CPB2: variants seen among roughly 807,000 people sequenced by gnomAD.
CPB2 encodes the protein carboxypeptidase B-like protein.
A neutral mutation model predicts 57.0 loss-of-function variants in CPB2; 54 were observed. That is an observed-to-expected ratio of 0.95 (90% CI 0.76 to 1.19). CPB2 has a LOEUF of 1.19. Ranked by LOEUF, CPB2 falls within the 50% of genes most tolerant of loss-of-function variation. The pLI, the probability that CPB2 is intolerant of heterozygous loss-of-function variation, is 0.00. For missense variants in CPB2, 426 were observed against 512.0 expected (o/e 0.83, Z 1.62); for synonymous variants, 189 against 178.1 (o/e 1.06, Z -0.49).
chr13:46,068,708 C>G (rs1357473720), intron 6 of CPB2, among the ~76,000 whole-genome samples: 2 of 150,430 alleles, frequency 1.3e-5, no homozygotes, highest in Non-Finnish European at 3.0e-5. Flanking sequence ...CCACCCCCGA[C>G]AGGCCCCGGT....
chr13:46,093,875 T>C (rs1159113103), intron 1 of CPB2, among the ~76,000 whole-genome samples: 1 of 152,194 alleles, frequency 6.6e-6, no homozygotes, highest in Non-Finnish European at 1.5e-5. Context: ...GGTATAACTA[T>C]GTGGAGAAAT....
At chr13:46,077,593 G>C (rs192291240) in intron 5 of CPB2, among the ~76,000 whole-genome samples, 1 of 152,170 alleles carries the variant, frequency 6.6e-6, no homozygotes, top group East Asian at 1.9e-4. Context: ...CAAAAGAAAG[G>C]AAATCAGTAT....
At chr13:46,072,928 C>G (rs566370789) in intron 6 of CPB2, among the ~76,000 whole-genome samples, 43 of 152,254 alleles carry the variant, frequency 2.8e-4, no homozygotes, top group African/African-American at 8.4e-4. Context: ...TGGAATCATC[C>G]TCATTTGGCC....
intron 8 of CPB2, 50 bp downstream of exon 8, chr13:46,064,598 A>C (rs759695726): frequency 1.4e-6 from 2 of 1,441,796 alleles, no homozygotes; most frequent in East Asian, 4.5e-5. Context: ...CCCTGTGAAC[A>C]TCACCCTTTC....
In CPB2 at chr13:46,078,826, C is replaced by G. The variant is rs2045062959; in HGVS notation, c.460G>C (p.Glu154Gln). The G allele has an allele frequency of 1.2e-6, 2 of 1,610,882 alleles. No homozygotes were observed. Among genetic ancestry groups the G allele is most frequent in the Non-Finnish European group, 1.7e-6 (2 of 1,177,322 alleles). The change falls in exon 5 of 11, where the codon GAG (glutamate) becomes CAG (glutamine). Residue 154 changes from glutamate to glutamine, a missense_variant. Coordinates refer to ENST00000181383, the MANE Select transcript of CPB2 (RefSeq NM_001872.5). ...LTKIHIGSSFEKYPLYVLKVS... is the reference protein window; with the variant it reads ...LTKIHIGSSFQKYPLYVLKVS... ...TTTAAAACATAGAGTGGGTACTTCT[C>G]AAATGAGGATCCAATGTGGATTTTT...
In CPB2 at chr13:46,104,929, G is replaced by A; in HGVS notation, c.74+7C>T. 1 of 1,613,814 alleles carries A rather than the reference G, an allele frequency of 6.2e-7. No homozygotes were observed. The highest frequency in any genetic ancestry group is 8.5e-7 in the Non-Finnish European group (1 of 1,179,840). Reference sequence around the variant, plus strand: ...GCCCACCACAGTCTAAGATTCTATTGGGTTACCTCTGAAACGCGAAGACAT... The same window carrying A: ...GCCCACCACAGTCTAAGATTCTATTAGGTTACCTCTGAAACGCGAAGACAT... On this transcript the variant is annotated splice_region_variant and intron_variant, in intron 1 of 10. Transcript: ENST00000181383.
At chr13:46,074,645 A>T (rs1473885638) in intron 5 of CPB2, among the ~76,000 whole-genome samples, 1 of 152,180 alleles carries the variant, frequency 6.6e-6, no homozygotes, top group African/African-American at 2.4e-5. Flanking sequence ...ATTAATCATA[A>T]TGTATTTGCC....
chr13:46,054,097 G>C (rs2044643991), intron 10 of CPB2, among the ~76,000 whole-genome samples: 1 of 152,012 alleles, frequency 6.6e-6, no homozygotes, highest in Non-Finnish European at 1.5e-5. Flanking sequence ...CCACAAGCAG[G>C]GTATGAATTT....
intron 7 of CPB2, among the ~76,000 whole-genome samples, 165 bp from the exon 8 acceptor site, chr13:46,064,906 GT>G (rs2044830526): frequency 6.6e-6 from 1 of 152,102 alleles, no homozygotes; most frequent in African/African-American, 2.4e-5. Context: ...CCTTTGCACG[GT>G]CCCTATTGCT....
Position 46,076,396 on chromosome 13 carries a change from C to CAA in CPB2, c.486+2402_486+2403dup, listed in dbSNP as rs35145884. Among the ~76,000 whole-genome samples the CAA allele has an allele frequency of 3.6e-3, 517 of 145,082 alleles. 5 individuals carry two copies. The highest frequency in any genetic ancestry group is 0.012 in the African/African-American group (465 of 39,842). On this transcript the variant is annotated intron_variant, in intron 5 of 10. Transcript: ENST00000181383. ...AGAAAGAAATACCATTTACAATGAC[C>CAA]AAAAAAAAAAACCTATAATAAATCT...
In CPB2 at chr13:46,055,787, T is replaced by C; in HGVS notation, c.1062A>G (p.Thr354=). Residue 354 remains threonine, a synonymous_variant, in exon 10 of 11, where the codon ACA becomes ACG. Coordinates refer to ENST00000181383, the MANE Select transcript of CPB2 (RefSeq NM_001872.5). The part of the protein sequence containing the change: ...IEKISKNTRY[T]HGHGSETLYL... ...ATAAGGTTTCTGAGCCATGGCCATG[T>C]GTATACCTGGTATTTTTACTAATTT... is the stretch of plus-strand genomic sequence containing the variant. The C allele has an allele frequency of 1.2e-6, 2 of 1,600,904 alleles. No individual in the cohort carries two copies. The highest frequency in any genetic ancestry group is 1.7e-6 in the Non-Finnish European group (2 of 1,170,912).
intron 1 of CPB2, among the ~76,000 whole-genome samples, chr13:46,104,353 C>A (rs2045469405): frequency 6.6e-6 from 1 of 152,214 alleles, no homozygotes; most frequent in Non-Finnish European, 1.5e-5. Context: ...TTTCTCCATG[C>A]ATTGCATGTG....
At chr13:46,097,305 G>C (rs931467850) in intron 1 of CPB2, 2 of 152,228 alleles carry the variant, frequency 1.3e-5, no homozygotes, top group Non-Finnish European at 2.9e-5. Context: ...TCTAGCTACT[G>C]TTGCTGCCCC....
chr13:46,103,967 C>T (rs924574288), intron 1 of CPB2, among the ~76,000 whole-genome samples: 1 of 152,150 alleles, frequency 6.6e-6, no homozygotes, highest in South Asian at 2.1e-4. Flanking sequence ...GCTCGACATT[C>T]GACAATCATG....
chr13:46,086,309 G>A (rs1482853245), intron 2 of CPB2, among the ~76,000 whole-genome samples: 4 of 152,146 alleles, frequency 2.6e-5, no homozygotes, highest in Non-Finnish European at 5.9e-5. Flanking sequence ...TTCAGCGCCC[G>A]GGAACAATGA....
rs566430949 is a variant in CPB2 at position 46,066,711 on chromosome 13, G to A, written c.702+596C>T. Among the ~76,000 whole-genome samples, 10 of 152,002 alleles carry A rather than the reference G, an allele frequency of 6.6e-5. No homozygotes were observed. In the South Asian group the frequency reaches 2.1e-3, roughly 32 times the overall value. On this transcript the variant is annotated intron_variant, in intron 7 of 10. Transcript: ENST00000181383. ...TACAAAAAGCTTAGCCAGGCATGGT[G>A]GCAGGCACCCGTAGTCCCAGTGGCT...
intron 6 of CPB2, among the ~76,000 whole-genome samples, chr13:46,070,147 A>G (rs1348847860): frequency 6.6e-6 from 1 of 152,202 alleles, no homozygotes. Context: ...GTATTTAATA[A>G]GTGATATGGA....
At chr13:46,084,457 C>T (rs923912356) in intron 2 of CPB2, 114 bp from the exon 3 acceptor site, 1 of 1,096,090 alleles carries the variant, frequency 9.1e-7, no homozygotes, top group African/African-American at 1.6e-5. Context: ...AGGACACTCC[C>T]TGGTGCTGGT....
At chr13:46,064,957 G>T (rs1372932012) in intron 7 of CPB2, among the ~76,000 whole-genome samples, 1 of 152,156 alleles carries the variant, frequency 6.6e-6, no homozygotes, top group Admixed American at 6.5e-5. Context: ...TATTTTAGTT[G>T]AACCAAACAT....
Sources: gnomAD v4.1 joint callset for allele counts (sites outside exome capture counted in the v4.1 genomes callset) on GRCh38, gnomAD v4.1.1 for gene constraint, MANE v1.5 for transcripts, NCBI Gene and HGNC (gene_info 2026-07-23, HGNC 2026-07-21) for gene names.